AMN1: variants seen among roughly 807,000 people sequenced by gnomAD.
AMN1 encodes antagonist of mitotic exit network 1 homolog, also known as protein AMN1 homolog.
AMN1 carries 20 observed loss-of-function variants against 33.0 expected under a neutral mutation model. The ratio of observed to expected loss-of-function variants is 0.61; its 90% CI spans 0.43 to 0.88. AMN1 has a LOEUF of 0.88. AMN1 is among the 40% of genes least tolerant of loss of function. The pLI is 0.00. For missense variants in AMN1, 246 were observed against 307.4 expected (o/e 0.80, Z 1.49); for synonymous variants, 114 against 111.9 (o/e 1.02, Z -0.12).
chr12:31,698,409 T>A (rs1340063096), intron 3 of AMN1, among the ~76,000 whole-genome samples: 1 of 152,222 alleles, frequency 6.6e-6, no homozygotes, highest in African/African-American at 2.4e-5. Flanking sequence ...TTTATAGCTA[T>A]GCCTATGTGT....
chr12:31,692,769 T>C (rs1355852987), intron 5 of AMN1, among the ~76,000 whole-genome samples: 2 of 152,148 alleles, frequency 1.3e-5, no homozygotes, highest in African/African-American at 4.8e-5. Flanking sequence ...TTCTCTGATA[T>C]GCCAGGATCT....
chr12:31,698,634 C>T (rs1163746704), intron 3 of AMN1, among the ~76,000 whole-genome samples: 2 of 152,078 alleles, frequency 1.3e-5, no homozygotes, highest in Non-Finnish European at 2.9e-5. Flanking sequence ...CATAAACAAA[C>T]ATGGTAGCAC....
chr12:31,707,510 G>A (rs767302162), intron 2 of AMN1, among the ~76,000 whole-genome samples: 4 of 152,182 alleles, frequency 2.6e-5, no homozygotes, highest in Non-Finnish European at 5.9e-5. Flanking sequence ...CTATGCTGAT[G>A]ACTGAACTTT....
chr12:31,678,135 C>A (rs1259341756), intron 6 of AMN1, among the ~76,000 whole-genome samples: 1 of 152,192 alleles, frequency 6.6e-6, no homozygotes, highest in Non-Finnish European at 1.5e-5. Context: ...CTCTTCATTT[C>A]TGAAGTCTCT....
At chr12:31,684,132 T>C (rs547822129) in intron 6 of AMN1, among the ~76,000 whole-genome samples, 1 of 152,290 alleles carries the variant, frequency 6.6e-6, no homozygotes, top group African/African-American at 2.4e-5. Flanking sequence ...AAATCATGCA[T>C]TGGTAAAGAT....
At chr12:31,676,233 A>G (rs1434060249) in intron 6 of AMN1, among the ~76,000 whole-genome samples, 1 of 151,724 alleles carries the variant, frequency 6.6e-6, no homozygotes, top group African/African-American at 2.4e-5. Context: ...AATATTATTA[A>G]GATAGCAATA....
intron 5 of AMN1, among the ~76,000 whole-genome samples, chr12:31,691,103 A>C (rs1201328695): frequency 1.3e-5 from 2 of 149,770 alleles, no homozygotes; most frequent in African/African-American, 2.5e-5. Context: ...ATGCCACTGC[A>C]CTCCAGCCTG....
At chr12:31,691,452 T>A (rs534965495) in intron 5 of AMN1, among the ~76,000 whole-genome samples, 11 of 151,970 alleles carry the variant, frequency 7.2e-5, no homozygotes, top group Admixed American at 3.9e-4. Flanking sequence ...TTTAGGGTGA[T>A]GAAAATGTTC....
chr12:31,697,461 C>T (rs372596524), intron 4 of AMN1, 44 bp from the exon 5 acceptor site: 91 of 1,584,442 alleles, frequency 5.7e-5, no homozygotes, highest in East Asian at 4.5e-4. Context: ...ATCCAGACAA[C>T]GGAAGTAGAA....
chr12:31,728,303 TAATAAC>T (rs1369480318), intron 1 of AMN1, among the ~76,000 whole-genome samples: 1 of 152,214 alleles, frequency 6.6e-6, no homozygotes, highest in African/African-American at 2.4e-5. Context: ...TAGGAAATAA[TAATAAC>T]AATAACACTT....
chr12:31,684,054 C>T (rs1387502106), intron 6 of AMN1, among the ~76,000 whole-genome samples: 2 of 152,052 alleles, frequency 1.3e-5, no homozygotes, highest in African/African-American at 4.8e-5. Flanking sequence ...TAAAATGTGT[C>T]AATATTTAAA....
intron 6 of AMN1, among the ~76,000 whole-genome samples, chr12:31,676,392 T>A (rs1490603850): frequency 2.6e-5 from 4 of 151,294 alleles, no homozygotes; most frequent in African/African-American, 9.8e-5. Flanking sequence ...GGTGGATCGC[T>A]TGAGTTCAGG....
chr12:31,691,217 A>C (rs1372988306), intron 5 of AMN1, among the ~76,000 whole-genome samples: 1 of 152,134 alleles, frequency 6.6e-6, no homozygotes, highest in Non-Finnish European at 1.5e-5. Context: ...TAAGTGAAGG[A>C]AGTAAAATAA....
At chr12:31,701,178 T>C (rs1036497531) in intron 3 of AMN1, among the ~76,000 whole-genome samples, 1 of 151,710 alleles carries the variant, frequency 6.6e-6, no homozygotes, top group Non-Finnish European at 1.5e-5. Flanking sequence ...TTTGTATTTT[T>C]AGTAGAGACA....
At chr12:31,723,221 C>T (rs776745502) in intron 1 of AMN1, among the ~76,000 whole-genome samples, 6 of 152,114 alleles carry the variant, frequency 3.9e-5, no homozygotes, top group African/African-American at 1.4e-4. Context: ...CACACAAACA[C>T]ACACGCACAC....
chr12:31,709,762 G>A (rs926734161), intron 1 of AMN1, among the ~76,000 whole-genome samples: 10 of 152,142 alleles, frequency 6.6e-5, no homozygotes, highest in Admixed American at 2.6e-4. Flanking sequence ...CCAGAAGGTC[G>A]AGACTGCAGT....
intron 2 of AMN1, among the ~76,000 whole-genome samples, chr12:31,706,388 C>T (rs1459511059): frequency 6.6e-6 from 1 of 151,756 alleles, no homozygotes; most frequent in Non-Finnish European, 1.5e-5. Flanking sequence ...ACCACCATCC[C>T]ACCAGCCTGG....
intron 3 of AMN1, 124 bp downstream of exon 3, chr12:31,701,739 T>A (rs1486028722): frequency 1.2e-6 from 1 of 827,806 alleles, no homozygotes; most frequent in Non-Finnish European, 1.7e-6. Context: ...TTTTTACTGA[T>A]AAATATAATT....
chr12:31,673,988 G>A (rs1256433949), intron 6 of AMN1, among the ~76,000 whole-genome samples: 4 of 151,642 alleles, frequency 2.6e-5, no homozygotes, highest in African/African-American at 7.3e-5. Context: ...GCAGGTCTGC[G>A]TTACTTTTTA....
Sources: gnomAD v4.1 joint callset for allele counts (sites outside exome capture counted in the v4.1 genomes callset) on GRCh38, gnomAD v4.1.1 for gene constraint, MANE v1.5 for transcripts, NCBI Gene and HGNC (gene_info 2026-07-23, HGNC 2026-07-21) for gene names.